The following SYNE3 variants were observed in gnomAD, a reference collection of about 807,000 sequenced individuals.
SYNE3 encodes nesprin-3.
SYNE3 carries 100 observed loss-of-function variants against 111.2 expected under a neutral mutation model. The ratio of observed to expected loss-of-function variants is 0.90; its 90% CI spans 0.77 to 1.06. SYNE3 has a LOEUF of 1.06. Among genes scored for constraint, SYNE3 ranks in the 50% least tolerant of loss-of-function variants. The pLI is 0.00. For synonymous variants in SYNE3, 547 were observed against 533.9 expected, an observed-to-expected ratio of 1.02 and a Z score of -0.34; for missense variants, 1,160 against 1,240.3, an observed-to-expected ratio of 0.94 and a Z score of 0.97.
At chr14:95,433,125 G>C in intron 16 of SYNE3, 135 bp downstream of exon 16, 4 of 1,297,756 alleles carry the variant, frequency 3.1e-6, no homozygotes, top group Non-Finnish European at 4.2e-6. Flanking sequence ...TCCTCTGCCT[G>C]AGTGGTCACC....
At chr14:95,479,857 C>T (rs959954093) in intron 1 of SYNE3, among the ~76,000 whole-genome samples, 4 of 152,040 alleles carry the variant, frequency 2.6e-5, no homozygotes, top group African/African-American at 4.8e-5. Context: ...GGGTAGGAGA[C>T]AGCTCCAGGC....
rs890928880 is a variant in SYNE3, at chr14:95,417,877, G to A, written c.2877C>T (p.Phe959=). ...GCAGCATGAGCGTGAAGGAGCGGGCGAAGTTGTTGGCCAGGGTGCAGCTGC... is the reference window on the plus strand; with the variant it reads ...GCAGCATGAGCGTGAAGGAGCGGGCAAAGTTGTTGGCCAGGGTGCAGCTGC... ...EDRSCTLANN[F]ARSFTLMLRY... is the part of the protein sequence containing the mutation. Residue 959 remains phenylalanine, a synonymous_variant, in exon 18 of 18, where the codon TTC becomes TTT. Coordinates refer to ENST00000682763, the MANE Select transcript of SYNE3 (RefSeq NM_152592.6). 1.1e-5 allele frequency: 18 copies of A among 1,614,114 alleles called. No homozygotes were observed. In the Admixed American group the frequency reaches 1.5e-4, roughly 13 times the overall value.
Position 95,417,668 on chromosome 14 carries a change from G to A in SYNE3, c.*158C>T, listed in dbSNP as rs919691711. 2 of 732,678 alleles carry A rather than the reference G, an allele frequency of 2.7e-6. No homozygotes were observed. Among genetic ancestry groups the A allele is most frequent in the African/African-American group, 3.5e-5 (2 of 57,774 alleles). 45.4% of individuals were successfully genotyped at this position (732,678 alleles called of 1,614,324 possible). On this transcript the variant is annotated 3_prime_UTR_variant, in exon 18 of 18. Coordinates refer to ENST00000682763, the MANE Select transcript of SYNE3 (RefSeq NM_152592.6). ...AGACTAAGACAACACTGTATAAAAA[G>A]TAAGTGTCTTCTGGGAACGCTGACA...
In SYNE3 at chr14:95,455,480, C is replaced by A; in HGVS notation, c.1034G>T (p.Ser345Ile). ...CCTCTGCAGGACCATCCTGAACTCA[C>A]TGAGCTCAGCCTCCAGCTGCTTAAT... is the stretch of plus-strand genomic sequence containing the variant. Reference protein sequence around the residue: ...QQIKQLEAELSEFRMVLQRLA... With the variant: ...QQIKQLEAELIEFRMVLQRLA... Residue 345 changes from serine to isoleucine, a missense_variant, in exon 6 of 18, where the codon AGT becomes ATT. Ser to Ile is a moderately radical substitution (Grantham distance 142). Transcript: ENST00000682763. The A allele has an allele frequency of 6.2e-7, 1 of 1,613,586 alleles. No individual in the cohort carries two copies. The highest frequency in any genetic ancestry group is 8.5e-7 in the Non-Finnish European group (1 of 1,179,986).
chr14:95,510,338 G>A (rs7154564), intron 1 of SYNE3, among the ~76,000 whole-genome samples: 6,389 of 152,188 alleles, frequency 0.042, 429 homozygotes, highest in African/African-American at 0.15. Context: ...GCCCAGGGGA[G>A]CATCCATACT....
At position 95,427,228 on chromosome 14, in the gene SYNE3, C is replaced by T. The variant is rs116753543; in HGVS notation, c.2727+4851G>A. On this transcript the variant is annotated intron_variant, in intron 17 of 17. Transcript: ENST00000682763. ...GGGGTAACGCCAGTGTCTGGGAAGA[C>T]GCCCATTGTCAAGCAGACCGTGGTC... 9.9e-3 allele frequency among the ~76,000 whole-genome samples: 1,502 copies of T among 152,212 alleles called. 25 individuals are homozygous for T. Among genetic ancestry groups the T allele is most frequent in the African/African-American group, 0.033 (1,385 of 41,536 alleles).
chr14:95,488,725 G>GGAGAGGAGAA (rs1889685320), intron 1 of SYNE3, among the ~76,000 whole-genome samples: 1 of 145,266 alleles, frequency 6.9e-6, no homozygotes, highest in Non-Finnish European at 1.5e-5. Flanking sequence ...GGAGAGGAGA[G>GGAGAGGAGAA]GAGAGGAGAG....
chr14:95,447,288 C>A (rs1261054994), intron 8 of SYNE3, among the ~76,000 whole-genome samples: 1 of 152,036 alleles, frequency 6.6e-6, no homozygotes. Context: ...CGCCCACCAC[C>A]ACACCCGGCT....
chr14:95,440,763 C>T (rs1391332018), intron 11 of SYNE3, among the ~76,000 whole-genome samples: 1 of 152,150 alleles, frequency 6.6e-6, no homozygotes, highest in Non-Finnish European at 1.5e-5. Flanking sequence ...AGTCAGAGCC[C>T]CCCTTGAGGG....
At chr14:95,512,468 G>C (rs8008011) in intron 1 of SYNE3, among the ~76,000 whole-genome samples, 21,966 of 152,070 alleles carry the variant, frequency 0.14, 2,410 homozygotes, top group African/African-American at 0.31. Flanking sequence ...GCAGAACAAT[G>C]GCTTGAACCT....
chr14:95,421,250 TG>T (rs1566954012), intron 17 of SYNE3, among the ~76,000 whole-genome samples: 1 of 151,990 alleles, frequency 6.6e-6, no homozygotes, highest in Non-Finnish European at 1.5e-5. Flanking sequence ...GATGAGCCCA[TG>T]GGGGTGGGGA....
chr14:95,436,758 G>C (rs1886106244), intron 15 of SYNE3, 62 bp downstream of exon 15: 1 of 1,572,810 alleles, frequency 6.4e-7, no homozygotes, highest in African/African-American at 1.4e-5. Context: ...AGAACTCCCT[G>C]GTGGCAAATG....
intron 3 of SYNE3, among the ~76,000 whole-genome samples, chr14:95,466,953 A>G (rs1566673142): frequency 6.6e-6 from 1 of 152,120 alleles, no homozygotes; most frequent in Non-Finnish European, 1.5e-5. Flanking sequence ...GTTGCACCCA[A>G]TGGGGACGGA....
intron 17 of SYNE3, among the ~76,000 whole-genome samples, chr14:95,421,784 G>T (rs548937329): frequency 6.6e-6 from 1 of 152,164 alleles, no homozygotes; most frequent in Admixed American, 6.5e-5. Flanking sequence ...CTCCTTAAAC[G>T]CTATCTCTCA....
At chr14:95,499,649 CT>C (rs904308368) in intron 1 of SYNE3, among the ~76,000 whole-genome samples, 6 of 152,082 alleles carry the variant, frequency 3.9e-5, no homozygotes, top group African/African-American at 1.5e-4. Flanking sequence ...TGACTGGCTT[CT>C]TTTTGTAGAT....
chr14:95,510,253 G>T (rs1043686244), intron 1 of SYNE3, among the ~76,000 whole-genome samples: 1 of 152,210 alleles, frequency 6.6e-6, no homozygotes, highest in Admixed American at 6.5e-5. Flanking sequence ...TCACAGTGCA[G>T]CAACTGACCA....
rs999226483 is a variant in SYNE3 at position 95,409,277 on chromosome 14, C to T, written c.*8549G>A. On this transcript the variant is annotated 3_prime_UTR_variant, in exon 18 of 18. Transcript: ENST00000682763. Reference sequence around the variant, plus strand: ...CACACTCTGGTTTCTGATCATGACTCCATAGCACAGGCTTTTTGAAAGTGT... The same window carrying T: ...CACACTCTGGTTTCTGATCATGACTTCATAGCACAGGCTTTTTGAAAGTGT... 29 of 456,648 alleles carry T rather than the reference C, an allele frequency of 6.4e-5. No individual in the cohort carries two copies. The highest frequency in any genetic ancestry group is 5.8e-4 in the African/African-American group (29 of 50,080). 28.3% of individuals were successfully genotyped at this position (456,648 alleles called of 1,614,324 possible). A position where few individuals can be genotyped will look rare whatever the true frequency, so the allele number is the denominator to read the frequency against.
At chr14:95,422,350 C>T (rs939013233) in intron 17 of SYNE3, among the ~76,000 whole-genome samples, 5 of 152,084 alleles carry the variant, frequency 3.3e-5, no homozygotes, top group African/African-American at 1.2e-4. Flanking sequence ...TCTGTGAGGC[C>T]GACTTTCCTA....
At chr14:95,462,709 C>T (rs1023162866) in intron 4 of SYNE3, among the ~76,000 whole-genome samples, 8 of 152,194 alleles carry the variant, frequency 5.3e-5, no homozygotes, top group African/African-American at 1.2e-4. Flanking sequence ...CAGAAGCACC[C>T]GGGGCCCCAG....
Sources: gnomAD v4.1 joint callset for allele counts (sites outside exome capture counted in the v4.1 genomes callset) on GRCh38, gnomAD v4.1.1 for gene constraint, MANE v1.5 for transcripts, NCBI Gene and HGNC (gene_info 2026-07-23, HGNC 2026-07-21) for gene names.